SFXN5: variants seen among roughly 807,000 people sequenced by gnomAD.
SFXN5 encodes the protein sideroflexin 5, also known as sideroflexin-5.
In SFXN5, 43 loss-of-function variants were observed where a neutral mutation model predicts 50.2. The ratio of observed to expected loss-of-function variants is 0.86; its 90% CI spans 0.67 to 1.11. The LOEUF (loss-of-function observed/expected upper bound fraction) is 1.11. Among genes scored for constraint, SFXN5 ranks in the 50% least tolerant of loss-of-function variants. SFXN5 has a pLI of 0.00. For synonymous variants in SFXN5, 203 were observed against 185.8 expected (o/e 1.09, Z -0.75); for missense variants, 463 against 454.1 (o/e 1.02, Z -0.18).
At chr2:73,008,052 G>A (rs992937611) in intron 6 of SFXN5, among the ~76,000 whole-genome samples, 8 of 152,192 alleles carry the variant, frequency 5.3e-5, no homozygotes, top group African/African-American at 1.7e-4. Context: ...AGCAGAGGAG[G>A]GATGAGGCGG....
At chr2:73,001,460 G>T in intron 7 of SFXN5, 65 bp downstream of exon 7, 1 of 1,549,770 alleles carries the variant, frequency 6.5e-7, no homozygotes, top group Non-Finnish European at 8.9e-7. Flanking sequence ...CCACAGCAGG[G>T]AGTTCTTAAC....
intron 10 of SFXN5, among the ~76,000 whole-genome samples, chr2:72,988,010 T>C (rs774444427): frequency 3.9e-5 from 6 of 152,258 alleles, no homozygotes; most frequent in East Asian, 1.9e-4. Context: ...CTGCATTCTG[T>C]CTACTGACCC....
intron 9 of SFXN5, among the ~76,000 whole-genome samples, chr2:72,989,027 G>A (rs1348649714): frequency 1.3e-5 from 2 of 152,128 alleles, no homozygotes; most frequent in South Asian, 2.1e-4. Context: ...TTCATCTTTC[G>A]AGAGCACAGG....
chr2:73,062,563 C>T (rs752146906), intron 1 of SFXN5, among the ~76,000 whole-genome samples: 1 of 152,142 alleles, frequency 6.6e-6, no homozygotes, highest in Non-Finnish European at 1.5e-5. Context: ...GTGTCACTTT[C>T]GACCATAGCT....
intron 3 of SFXN5, among the ~76,000 whole-genome samples, chr2:73,026,411 C>T (rs568332041): frequency 2.0e-5 from 3 of 151,860 alleles, no homozygotes; most frequent in South Asian, 2.1e-4. Flanking sequence ...GATTACACCT[C>T]GCCCAACATG....
rs771938784 is a variant in SFXN5, at chr2:73,001,514, G to C, written c.411+11C>G. 2 of 1,614,116 alleles carry C rather than the reference G, an allele frequency of 1.2e-6. No individual in the cohort carries two copies. Among genetic ancestry groups the C allele is most frequent in the South Asian group, 1.1e-5 (1 of 91,076 alleles). On this transcript the variant is annotated intron_variant, in intron 7 of 13. Transcript: ENST00000272433. ...TTCCTTCAGGAGCCCTGTTTGCTGC[G>C]AGACTGTTACCTGCCAGAAGACAGT...
chr2:73,039,745 A>C (rs1164399396), intron 3 of SFXN5, among the ~76,000 whole-genome samples: 1 of 152,162 alleles, frequency 6.6e-6, no homozygotes, highest in Non-Finnish European at 1.5e-5. Context: ...GGGGAGGGAT[A>C]GGGAACATAT....
At position 72,942,053 on chromosome 2, in the gene SFXN5, T is replaced by A. The variant is rs1351343874; in HGVS notation, c.*2969A>T. The A allele has an allele frequency of 6.6e-6, 1 of 152,238 alleles. No individual in the cohort carries two copies. Among genetic ancestry groups the A allele is most frequent in the Non-Finnish European group, 1.5e-5 (1 of 68,062 alleles). 9.4% of individuals were successfully genotyped at this position (152,238 alleles called of 1,614,324 possible). A position where few individuals can be genotyped will look rare whatever the true frequency, so the allele number is the denominator to read the frequency against. On this transcript the variant is annotated 3_prime_UTR_variant, in exon 14 of 14. Transcript: ENST00000272433. The stretch of plus-strand genomic sequence containing the variant: ...CACCCTGATGCTTTAAATCCCGTAT[T>A]TATTGCCCAAAGCTCATTAGTATTA...
chr2:73,041,385 C>G (rs1428097848), intron 2 of SFXN5, among the ~76,000 whole-genome samples: 1 of 152,152 alleles, frequency 6.6e-6, no homozygotes, highest in Non-Finnish European at 1.5e-5. Context: ...GAACTTTAAT[C>G]TTAATGTAAT....
chr2:73,045,536 CG>C (rs1369618363), intron 2 of SFXN5, among the ~76,000 whole-genome samples: 1 of 139,042 alleles, frequency 7.2e-6, no homozygotes, highest in Non-Finnish European at 1.6e-5. Context: ...AAGACTGTGG[CG>C]GGGGGTGGGG....
At chr2:73,042,911 CA>C (rs911503216) in intron 2 of SFXN5, among the ~76,000 whole-genome samples, 11 of 147,506 alleles carry the variant, frequency 7.5e-5, no homozygotes, top group African/African-American at 2.5e-4. Context: ...ATTAAAAATA[CA>C]AAAAAATTAG....
chr2:73,014,861 A>C (rs1675956894), intron 6 of SFXN5, among the ~76,000 whole-genome samples: 1 of 152,140 alleles, frequency 6.6e-6, no homozygotes, highest in African/African-American at 2.4e-5. Context: ...TACATCCAGA[A>C]ATCTTTTAAA....
intron 10 of SFXN5, among the ~76,000 whole-genome samples, chr2:72,986,033 G>T (rs1671879160): frequency 6.6e-6 from 1 of 152,236 alleles, no homozygotes; most frequent in Non-Finnish European, 1.5e-5. Context: ...GCAGAGCGCT[G>T]CCCCTTCTCA....
chr2:72,993,674 G>A (rs568902550), intron 9 of SFXN5, among the ~76,000 whole-genome samples: 1 of 152,236 alleles, frequency 6.6e-6, no homozygotes, highest in African/African-American at 2.4e-5. Context: ...CCATGAGATG[G>A]ACCCTCCAAA....
chr2:73,036,454 A>T (rs1313020290), intron 3 of SFXN5, among the ~76,000 whole-genome samples: 1 of 152,190 alleles, frequency 6.6e-6, no homozygotes, highest in Non-Finnish European at 1.5e-5. Flanking sequence ...TGCAGGCATC[A>T]CCAACATGAG....
At chr2:73,036,949 C>T (rs1424902863) in intron 3 of SFXN5, among the ~76,000 whole-genome samples, 5 of 152,250 alleles carry the variant, frequency 3.3e-5, no homozygotes, top group South Asian at 2.1e-4. Context: ...GCAGTGCACA[C>T]GCCTTCAGAT....
Position 72,945,073 on chromosome 2 carries a change from C to A in SFXN5, c.972G>T (p.Glu324Asp), listed in dbSNP as rs756556686. ...TCCGGCTGCTCGTGGCCTGGGCTAT[C>A]TCCGGCTCTAATTGGGATGTTTCAA... The part of the protein sequence containing the change: ...SEIETSQLEP[E>D]IAQATSSRTV... Residue 324 changes from glutamate to aspartate, a missense_variant, in exon 14 of 14, where the codon GAG becomes GAT. Glu to Asp is a conservative substitution (Grantham distance 45). Transcript: ENST00000272433. This position sits in a 1 kb window ranked among gnomAD's most constrained non-coding sequence, Gnocchi z 5.8. 1.2e-6 allele frequency: 2 copies of A among 1,614,026 alleles called. No homozygotes were observed. The highest frequency in any genetic ancestry group is 1.7e-5 in the Admixed American group (1 of 60,010).
At chr2:73,039,112 G>A (rs938885977) in intron 3 of SFXN5, among the ~76,000 whole-genome samples, 1 of 152,118 alleles carries the variant, frequency 6.6e-6, no homozygotes, top group Non-Finnish European at 1.5e-5. Context: ...ATTTTTAGTG[G>A]AGACAGGGTT....
rs368086490 is a variant in SFXN5, at chr2:72,985,096, C to A, written c.625+3162G>T. Among the ~76,000 whole-genome samples the A allele has an allele frequency of 3.5e-4, 53 of 152,292 alleles. No individual in the cohort carries two copies. The South Asian group carries it at 0.011, about 30-fold the overall frequency. ...CCCTTCCACTCCACTCACATCCCAACAACAGAGCTTAAATATGATCACTGC... is the reference window on the plus strand; with the variant it reads ...CCCTTCCACTCCACTCACATCCCAAAAACAGAGCTTAAATATGATCACTGC... On this transcript the variant is annotated intron_variant, in intron 10 of 13. Coordinates refer to ENST00000272433, the MANE Select transcript of SFXN5 (RefSeq NM_144579.3).
Sources: gnomAD v4.1 joint callset for allele counts (sites outside exome capture counted in the v4.1 genomes callset) on GRCh38, gnomAD v4.1.1 for gene constraint, Gnocchi (gnomAD v3.1) non-coding constraint, MANE v1.5 for transcripts, NCBI Gene and HGNC (gene_info 2026-07-23, HGNC 2026-07-21) for gene names.